HLA-E: variants seen among roughly 807,000 people sequenced by gnomAD.
HLA-E encodes major histocompatibility complex, class I, E.
A neutral mutation model predicts 43.4 loss-of-function variants in HLA-E; 25 were observed. The observed-to-expected ratio is 0.58, with a 90% CI of 0.42 to 0.80. The LOEUF is 0.80. HLA-E is among the 30% of genes least tolerant of loss of function. The pLI is 0.00. For missense variants in HLA-E, 343 were observed against 470.0 expected, an observed-to-expected ratio of 0.73 and a Z score of 2.50; for synonymous variants, 161 against 197.6, an observed-to-expected ratio of 0.81 and a Z score of 1.55.
At position 30,492,345 on chromosome 6, in the gene HLA-E, C is replaced by T. The variant is rs1796598657; in HGVS notation, c.1004-59C>T. ...TGGGATCCAAAACTAGGAGGTTCCTCTAGGACCTTATGGCCCTGCCTCCTC... is the reference window on the plus strand; with the variant it reads ...TGGGATCCAAAACTAGGAGGTTCCTTTAGGACCTTATGGCCCTGCCTCCTC... On this transcript the variant is annotated intron_variant, in intron 5 of 7. Transcript: ENST00000376630. The surrounding 1 kb of genome is among the most constrained non-coding windows in gnomAD (Gnocchi z 4.5). 1 of 1,588,296 alleles carries T rather than the reference C, an allele frequency of 6.3e-7. No individual in the cohort carries two copies. Among genetic ancestry groups the T allele is most frequent in the East Asian group, 2.2e-5 (1 of 44,744 alleles).
rs775947602 is a variant in HLA-E at position 30,492,405 on chromosome 6, T to C, written c.1005T>C (p.Gly335=). Residue 335 remains glycine, a splice_region_variant and synonymous_variant, in exon 6 of 8, where the codon GGT becomes GGC. Coordinates refer to ENST00000376630, the MANE Select transcript of HLA-E (RefSeq NM_005516.6). This position sits in a 1 kb window ranked among gnomAD's most constrained non-coding sequence, Gnocchi z 4.5. The part of the protein sequence containing the change: ...AAVIWRKKSS[G]GKGGSYSKAE... ...TCACAGGACATTTTCTTCCAACAGG[T>C]GGAAAAGGAGGGAGCTACTCTAAGG... 1.2e-6 allele frequency: 2 copies of C among 1,613,810 alleles called. No individual in the cohort carries two copies. The highest frequency in any genetic ancestry group is 1.7e-6 in the Non-Finnish European group (2 of 1,179,920).
rs955377345 is a variant in HLA-E at position 30,491,839 on chromosome 6, C to A, written c.1003+186C>A. ...GAGACGGAGTCTTGGCTCTGTCACCCAGGCTGGAGTGCAATGGCGTGGTTT... is the reference window on the plus strand; with the variant it reads ...GAGACGGAGTCTTGGCTCTGTCACCAAGGCTGGAGTGCAATGGCGTGGTTT... On this transcript the variant is annotated intron_variant, in intron 5 of 7. Coordinates refer to ENST00000376630, the MANE Select transcript of HLA-E (RefSeq NM_005516.6). The surrounding 1 kb of genome is among the most constrained non-coding windows in gnomAD (Gnocchi z 5.4). Among the ~76,000 whole-genome samples the A allele has an allele frequency of 4.6e-5, 7 of 152,140 alleles. No individual in the cohort carries two copies. The highest frequency in any genetic ancestry group is 1.7e-4 in the African/African-American group (7 of 41,432).
Position 30,492,178 on chromosome 6 carries a change from G to T in HLA-E, c.1004-226G>T, listed in dbSNP as rs1423186008. On this transcript the variant is annotated intron_variant, in intron 5 of 7. Transcript: ENST00000376630. The surrounding 1 kb of genome is among the most constrained non-coding windows in gnomAD (Gnocchi z 4.5). ...TTGACGATTGTGGTGATGGGGACCT[G>T]ATCCCAGCAGTCACAGGTCACAGGG... Among the ~76,000 whole-genome samples, 1 of 152,158 alleles carries T rather than the reference G, an allele frequency of 6.6e-6. No individual in the cohort carries two copies. Among genetic ancestry groups the T allele is most frequent in the African/African-American group, 2.4e-5 (1 of 41,434 alleles).
chr6:30,492,945 T>C lies in HLA-E; in HGVS notation c.*199T>C, dbSNP rs1313810767. The C allele has an allele frequency of 5.5e-6, 2 of 363,044 alleles. No homozygotes were observed. The allele number at this position is 363,044 out of a possible 1,614,324, so 22.5% of individuals were successfully genotyped here. A position where few individuals can be genotyped will look rare whatever the true frequency, so the allele number is the denominator to read the frequency against. The stretch of plus-strand genomic sequence containing the variant: ...AAACAGTCCACCTCTGTGTCTACCA[T>C]GACCCCCTTCCTCACACTGACCTGT... On this transcript the variant is annotated 3_prime_UTR_variant, in exon 8 of 8. Transcript: ENST00000376630. This position sits in a 1 kb window ranked among gnomAD's most constrained non-coding sequence, Gnocchi z 4.5.
chr6:30,492,485 T>C lies in HLA-E; in HGVS notation c.1036+49T>C, dbSNP rs376709780. The C allele has an allele frequency of 9.3e-6, 15 of 1,613,916 alleles. No individual in the cohort carries two copies. The highest frequency in any genetic ancestry group is 1.2e-5 in the Non-Finnish European group (14 of 1,179,960). On this transcript the variant is annotated intron_variant, in intron 6 of 7. Transcript: ENST00000376630. The surrounding 1 kb of genome is among the most constrained non-coding windows in gnomAD (Gnocchi z 4.5). ...AGGAGCTCGCCCACCCTATAATTCC[T>C]CCTGCACCACATCTCCTGTGGGCTC... is the stretch of plus-strand genomic sequence containing the variant.
rs1011249244 is a variant in HLA-E, at chr6:30,493,478, GA to G, written c.*733del. ...CCTATTCCTTACCACCTGTAATCTT[GA>G]CCATATACCTTGGAGTTGAATATTG... is the stretch of plus-strand genomic sequence containing the variant. On this transcript the variant is annotated 3_prime_UTR_variant, in exon 8 of 8. Coordinates refer to ENST00000376630, the MANE Select transcript of HLA-E (RefSeq NM_005516.6). This position sits in a 1 kb window ranked among gnomAD's most constrained non-coding sequence, Gnocchi z 5.5. 6.6e-6 allele frequency: 1 copy of G among 152,050 alleles called. No homozygotes were observed. Among genetic ancestry groups the G allele is most frequent in the African/African-American group, 2.4e-5 (1 of 41,350 alleles). The allele number at this position is 152,050 out of a possible 1,614,324, so 9.4% of individuals were successfully genotyped here. A position where few individuals can be genotyped will look rare whatever the true frequency, so the allele number is the denominator to read the frequency against.
In HLA-E at chr6:30,489,948, G is replaced by A; in HGVS notation, c.287G>A (p.Arg96Gln). 1.2e-6 allele frequency: 2 copies of A among 1,612,076 alleles called. No homozygotes were observed. The highest frequency in any genetic ancestry group is 1.7e-6 in the Non-Finnish European group (2 of 1,179,432). The change falls in exon 2 of 8, where the codon CGA becomes CAA. Residue 96 changes from arginine to glutamine, a missense_variant. Transcript: ENST00000376630. The surrounding 1 kb of genome is among the most constrained non-coding windows in gnomAD (Gnocchi z 5.6). ...GCCAGGGACACCGCACAGATTTTCC[G>A]AGTGAATCTGCGGACGCTGCGCGGC... The part of the protein sequence containing the change: ...RSARDTAQIF[R>Q]VNLRTLRGYY...
rs868071455 is a variant in HLA-E, at chr6:30,493,525, G to A, written c.*779G>A. The A allele has an allele frequency of 9.8e-5, 15 of 152,320 alleles. No homozygotes were observed. Among genetic ancestry groups the A allele is most frequent in the African/African-American group, 2.6e-4 (11 of 41,554 alleles). 9.4% of individuals were successfully genotyped at this position (152,320 alleles called of 1,614,324 possible). ...TATTGTTTTCATACTGCTGTGGTTTGAATGTTCCCTCCAACACTCATGTTG... is the reference window on the plus strand; with the variant it reads ...TATTGTTTTCATACTGCTGTGGTTTAAATGTTCCCTCCAACACTCATGTTG... On this transcript the variant is annotated 3_prime_UTR_variant, in exon 8 of 8. Transcript: ENST00000376630. The surrounding 1 kb of genome is among the most constrained non-coding windows in gnomAD (Gnocchi z 5.5).
Position 30,490,603 on chromosome 6 carries a change from C to T in HLA-E, c.610+88C>T, listed in dbSNP as rs1796478109. 7.5e-7 allele frequency: 1 copy of T among 1,336,052 alleles called. No homozygotes were observed. Among genetic ancestry groups the T allele is most frequent in the African/African-American group, 1.5e-5 (1 of 68,502 alleles). The allele number at this position is 1,336,052 out of a possible 1,614,324, so 82.8% of individuals were successfully genotyped here. A position where few individuals can be genotyped will look rare whatever the true frequency, so the allele number is the denominator to read the frequency against. ...GACAGACCTCAAACAGTAGAAGAAA[C>T]AGGGATGGAGGCCAGAATACCACTC... On this transcript the variant is annotated intron_variant, in intron 3 of 7. Coordinates refer to ENST00000376630, the MANE Select transcript of HLA-E (RefSeq NM_005516.6). This position sits in a 1 kb window ranked among gnomAD's most constrained non-coding sequence, Gnocchi z 6.6.
Position 30,490,664 on chromosome 6 carries a change from G to T in HLA-E, c.610+149G>T. 1 of 760,304 alleles carries T rather than the reference G, an allele frequency of 1.3e-6. No individual in the cohort carries two copies. 47.1% of individuals were successfully genotyped at this position (760,304 alleles called of 1,614,324 possible). On this transcript the variant is annotated intron_variant, in intron 3 of 7. Transcript: ENST00000376630. The surrounding 1 kb of genome is among the most constrained non-coding windows in gnomAD (Gnocchi z 6.6). ...TCAGGAGAGGGAGCTGTCACCTGAG[G>T]TACAGGAGATCCTATACCACAGAGT... is the stretch of plus-strand genomic sequence containing the variant.
At position 30,492,574 on chromosome 6, in the gene HLA-E, G is replaced by T. The variant is rs1796625285; in HGVS notation, c.1070G>T (p.Ser357Ile). ...SDSAQGSESHSL is the reference protein window; with the variant it reads ...SDSAQGSESHIL ...AGTGCCCAGGGGTCTGAGTCTCACAGCTTGTAAAGGTGAGATTCTGGGGGT... is the reference window on the plus strand; with the variant it reads ...AGTGCCCAGGGGTCTGAGTCTCACATCTTGTAAAGGTGAGATTCTGGGGGT... The change falls in exon 7 of 8, where the codon AGC becomes ATC. Residue 357 changes from serine to isoleucine, a missense_variant. By Grantham distance (142) the Ser-to-Ile change is moderately radical (BLOSUM62 -2). Coordinates refer to ENST00000376630, the MANE Select transcript of HLA-E (RefSeq NM_005516.6). The surrounding 1 kb of genome is among the most constrained non-coding windows in gnomAD (Gnocchi z 4.5). The T allele has an allele frequency of 1.2e-6, 2 of 1,613,976 alleles. No homozygotes were observed. The highest frequency in any genetic ancestry group is 1.7e-6 in the Non-Finnish European group (2 of 1,179,966).
chr6:30,491,394 C>A lies in HLA-E; in HGVS notation c.868C>A (p.Pro290Thr). 1 of 1,614,176 alleles carries A rather than the reference C, an allele frequency of 6.2e-7. No homozygotes were observed. The highest frequency in any genetic ancestry group is 1.7e-5 in the Admixed American group (1 of 60,020). The change falls in exon 4 of 8, where the codon CCC becomes ACC. Residue 290 changes from proline (P) to threonine (T), a missense_variant. Physicochemically the swap from Pro to Thr is conservative, Grantham distance 38. Coordinates refer to ENST00000376630, the MANE Select transcript of HLA-E (RefSeq NM_005516.6). This position sits in a 1 kb window ranked among gnomAD's most constrained non-coding sequence, Gnocchi z 5.4. Reference sequence around the variant, plus strand: ...TGTGCAGCATGAGGGGCTACCCGAGCCCGTCACCCTGAGATGGAGTAAGGA... The same window carrying A: ...TGTGCAGCATGAGGGGCTACCCGAGACCGTCACCCTGAGATGGAGTAAGGA... ...CHVQHEGLPE[P>T]VTLRWKPASQ... is the part of the protein sequence containing the mutation.
chr6:30,492,779 A>G lies in HLA-E; in HGVS notation c.*33A>G, dbSNP rs1796636635. 1 of 690,990 alleles carries G rather than the reference A, an allele frequency of 1.4e-6. No individual in the cohort carries two copies. The highest frequency in any genetic ancestry group is 1.8e-5 in the African/African-American group (1 of 55,854). The allele number at this position is 690,990 out of a possible 1,614,324, so 42.8% of individuals were successfully genotyped here. ...GACAGCTGCCTTGTGTGCGACTGAGATGCACAGCTGCCTTGTGTGCGACTG... is the reference window on the plus strand; with the variant it reads ...GACAGCTGCCTTGTGTGCGACTGAGGTGCACAGCTGCCTTGTGTGCGACTG... On this transcript the variant is annotated 3_prime_UTR_variant, in exon 8 of 8. Transcript: ENST00000376630. This position sits in a 1 kb window ranked among gnomAD's most constrained non-coding sequence, Gnocchi z 4.5.
At position 30,492,640 on chromosome 6, in the gene HLA-E, G is replaced by A; in HGVS notation, c.*2+57G>A. ...GGTGGGGCAGAGGGGACAGGACTGG[G>A]TTGTGGGGATTTTTTGATTCAGAAT... On this transcript the variant is annotated intron_variant, in intron 7 of 7. Coordinates refer to ENST00000376630, the MANE Select transcript of HLA-E (RefSeq NM_005516.6). The surrounding 1 kb of genome is among the most constrained non-coding windows in gnomAD (Gnocchi z 4.5). The A allele has an allele frequency of 6.5e-7, 1 of 1,545,782 alleles. No individual in the cohort carries two copies.
In HLA-E at chr6:30,490,415, T is replaced by C; in HGVS notation, c.510T>C (p.Asp170=). ...AAQISEQKSN[D]ASEAEHQRAY... ...AGATCTCCGAGCAAAAGTCAAATGA[T>C]GCCTCTGAGGCGGAGCACCAGAGAG... is the stretch of plus-strand genomic sequence containing the variant. The change falls in exon 3 of 8, where the codon GAT becomes GAC. Residue 170 remains aspartate, a synonymous_variant. Coordinates refer to ENST00000376630, the MANE Select transcript of HLA-E (RefSeq NM_005516.6). This position sits in a 1 kb window ranked among gnomAD's most constrained non-coding sequence, Gnocchi z 6.6. The C allele has an allele frequency of 1.2e-6, 2 of 1,613,056 alleles. No individual in the cohort carries two copies. Among genetic ancestry groups the C allele is most frequent in the South Asian group, 2.2e-5 (2 of 91,088 alleles).
Position 30,490,044 on chromosome 6 carries a change from C to T in HLA-E, c.334+49C>T. 6.4e-7 allele frequency: 1 copy of T among 1,560,646 alleles called. No homozygotes were observed. Among genetic ancestry groups the T allele is most frequent in the Non-Finnish European group, 8.7e-7 (1 of 1,147,158 alleles). ...CAGGTCACGACCCCTCCCCATCCCCCACGGACGGCGCGGGTCCCCTCGAAT... is the reference window on the plus strand; with the variant it reads ...CAGGTCACGACCCCTCCCCATCCCCTACGGACGGCGCGGGTCCCCTCGAAT... On this transcript the variant is annotated intron_variant, in intron 2 of 7. Coordinates refer to ENST00000376630, the MANE Select transcript of HLA-E (RefSeq NM_005516.6). This position sits in a 1 kb window ranked among gnomAD's most constrained non-coding sequence, Gnocchi z 6.6.
chr6:30,492,542 G>A lies in HLA-E; in HGVS notation c.1038G>A (p.Trp346Ter). 1 of 1,613,924 alleles carries A rather than the reference G, an allele frequency of 6.2e-7. No individual in the cohort carries two copies. ...GGTCTTGTTTTTGTTCTACCCCAGG[G>A]AGCGACAGTGCCCAGGGGTCTGAGT... ...GKGGSYSKAE[W>*]SDSAQGSESH... The change falls in exon 7 of 8, where the codon TGG becomes TGA. Residue 346 changes from tryptophan to a stop codon, truncating the protein, a stop_gained and splice_region_variant. Transcript: ENST00000376630. LOFTEE classifies it high-confidence loss of function. The surrounding 1 kb of genome is among the most constrained non-coding windows in gnomAD (Gnocchi z 4.5).
In HLA-E at chr6:30,489,649, G is replaced by A. The variant is rs778715813; in HGVS notation, c.64+54G>A. The A allele has an allele frequency of 5.6e-6, 9 of 1,603,310 alleles. 1 individual carries two copies. The Middle Eastern group carries it at 5.4e-4, about 96-fold the overall frequency. Reference sequence around the variant, plus strand: ...CTCTACCGGGAGTAGAGAGGGGCCGGCCCGGCGGGGGCGAAGGACTCGGGG... The same window carrying A: ...CTCTACCGGGAGTAGAGAGGGGCCGACCCGGCGGGGGCGAAGGACTCGGGG... On this transcript the variant is annotated intron_variant, in intron 1 of 7. Transcript: ENST00000376630. The surrounding 1 kb of genome is among the most constrained non-coding windows in gnomAD (Gnocchi z 5.6).
At position 30,492,890 on chromosome 6, in the gene HLA-E, T is replaced by A; in HGVS notation, c.*144T>A. 1.9e-6 allele frequency: 1 copy of A among 532,792 alleles called. No individual in the cohort carries two copies. Among genetic ancestry groups the A allele is most frequent in the South Asian group, 2.5e-5 (1 of 40,474 alleles). The allele number at this position is 532,792 out of a possible 1,614,324, so 33.0% of individuals were successfully genotyped here. Reference sequence around the variant, plus strand: ...GCAAGGGCCTCTGAATCTGTCTGTGTCCCTGTTAGCACAATGTGAGGAGGT... The same window carrying A: ...GCAAGGGCCTCTGAATCTGTCTGTGACCCTGTTAGCACAATGTGAGGAGGT... On this transcript the variant is annotated 3_prime_UTR_variant, in exon 8 of 8. Transcript: ENST00000376630. The surrounding 1 kb of genome is among the most constrained non-coding windows in gnomAD (Gnocchi z 4.5).
Sources: allele counts gnomAD v4.1 joint callset (sites outside exome capture counted in the v4.1 genomes callset), GRCh38; gene constraint gnomAD v4.1.1; non-coding constraint Gnocchi (gnomAD v3.1); transcripts MANE v1.5; gene names NCBI Gene and HGNC (gene_info 2026-07-23, HGNC 2026-07-21).